ZFP14: variants seen among roughly 807,000 people sequenced by gnomAD.
ZFP14 encodes the protein ZFP14 zinc finger protein.
A neutral mutation model predicts 54.5 loss-of-function variants in ZFP14; 22 were observed. That is an observed-to-expected ratio of 0.40 (90% CI 0.29 to 0.58). ZFP14 has a LOEUF of 0.58. Ranked by LOEUF, ZFP14 falls within the 20% of genes least tolerant of loss-of-function variation. The probability of loss-of-function intolerance (pLI) is 0.39; values close to 1 mark genes in which losing one functional copy is unlikely to be tolerated. For missense variants in ZFP14, 470 were observed against 637.8 expected, an observed-to-expected ratio of 0.74 and a Z score of 2.83; for synonymous variants, 159 against 204.0, an observed-to-expected ratio of 0.78 and a Z score of 1.88.
rs1209941128 is a variant in ZFP14 at position 36,350,740 on chromosome 19, A to AC, written c.236-9151dup. On this transcript the variant is annotated intron_variant, in intron 4 of 4. Transcript: ENST00000270001. ...ACTGCAATATAAAATTAGGCACACCACAGTAATCTGTTAAAAAAAAATCCA... is the reference window on the plus strand; with the variant it reads ...ACTGCAATATAAAATTAGGCACACCACCAGTAATCTGTTAAAAAAAAATCCA... 2.8e-5 allele frequency among the ~76,000 whole-genome samples: 4 copies of AC among 142,900 alleles called. 1 individual carries two copies. Among genetic ancestry groups the AC allele is most frequent in the Non-Finnish European group, 6.2e-5 (4 of 64,518 alleles). The allele number at this position is 142,900 out of a possible 152,430, so 93.7% of individuals were successfully genotyped here.
At chr19:36,347,853 G>A (rs748592287) in intron 4 of ZFP14, among the ~76,000 whole-genome samples, 19 of 152,052 alleles carry the variant, frequency 1.2e-4, no homozygotes, top group Non-Finnish European at 2.4e-4. Flanking sequence ...CTGAGGTCGG[G>A]AGTTTGAGAC....
intron 2 of ZFP14, among the ~76,000 whole-genome samples, chr19:36,364,364 T>C (rs568307324): frequency 1.3e-5 from 2 of 152,258 alleles, no homozygotes; most frequent in East Asian, 3.9e-4. Flanking sequence ...TTTACAGTAA[T>C]AACAAGGTGA....
At chr19:36,360,597 T>A in intron 3 of ZFP14, 64 bp from the exon 4 acceptor site, 1 of 1,451,460 alleles carries the variant, frequency 6.9e-7, no homozygotes, top group Non-Finnish European at 9.4e-7. Context: ...TAGATTTGGT[T>A]AAATTTATAA....
chr19:36,364,505 C>G (rs570356451), intron 2 of ZFP14, among the ~76,000 whole-genome samples: 1 of 152,048 alleles, frequency 6.6e-6, no homozygotes, highest in Non-Finnish European at 1.5e-5. Context: ...GGAGAACTAG[C>G]TGGGTAGGAA....
intron 4 of ZFP14, 124 bp downstream of exon 4, chr19:36,360,311 G>T: frequency 2.9e-6 from 2 of 683,402 alleles, no homozygotes; most frequent in Non-Finnish European, 4.5e-6. Flanking sequence ...CCCAAGCCCT[G>T]CCTCCATAGG....
chr19:36,353,217 C>T (rs2031559189), intron 4 of ZFP14, among the ~76,000 whole-genome samples: 1 of 143,172 alleles, frequency 7.0e-6, no homozygotes. Context: ...CAGAGAAGAG[C>T]AGCCCAGCAT....
At position 36,341,836 on chromosome 19, in the gene ZFP14, G is replaced by A. The variant is rs531695811; in HGVS notation, c.236-246C>T. 1.1e-4 allele frequency among the ~76,000 whole-genome samples: 16 copies of A among 152,068 alleles called. No individual in the cohort carries two copies. Among genetic ancestry groups the A allele is most frequent in the Admixed American group, 2.0e-4 (3 of 15,252 alleles). On this transcript the variant is annotated intron_variant, in intron 4 of 4. Coordinates refer to ENST00000270001, the MANE Select transcript of ZFP14 (RefSeq NM_020917.3). The surrounding 1 kb of genome is among the most constrained non-coding windows in gnomAD (Gnocchi z 4.2). ...CTGTGTTCAGAAGAAAAATAGGCCC[G>A]GAGCAGGACCACTTAATTTTTTTTT...
rs536240153 is a variant in ZFP14, at chr19:36,366,388, G to A, written c.9+1496C>T. Among the ~76,000 whole-genome samples, 7 of 152,210 alleles carry A rather than the reference G, an allele frequency of 4.6e-5. No homozygotes were observed. The South Asian group carries it at 8.3e-4, about 18-fold the overall frequency. On this transcript the variant is annotated intron_variant, in intron 2 of 4. Coordinates refer to ENST00000270001, the MANE Select transcript of ZFP14 (RefSeq NM_020917.3). ...GGCTGGAGTGCAATGGTGCGATCTC[G>A]GTTCACTGTAACCTCCACCTCCCGA...
Position 36,341,229 on chromosome 19 carries a change from A to T in ZFP14, c.597T>A (p.Pro199=), listed in dbSNP as rs149459987. ...CCTGCCCACATTCCTTACACTTATA[A>T]GGTTTCTCACCAGTATGAATTCTCA... The part of the protein sequence containing the change: ...QHLRIHTGEK[P]YKCKECGQAF... Residue 199 remains proline (P), a synonymous_variant, in exon 5 of 5, where the codon CCT becomes CCA. Transcript: ENST00000270001. This position sits in a 1 kb window ranked among gnomAD's most constrained non-coding sequence, Gnocchi z 4.2. 234 of 1,613,946 alleles carry T rather than the reference A, an allele frequency of 1.4e-4. 1 individual carries two copies. In the African/African-American group the frequency reaches 2.8e-3, roughly 19 times the overall value.
chr19:36,350,993 C>T (rs2031516277), intron 4 of ZFP14, among the ~76,000 whole-genome samples: 1 of 142,978 alleles, frequency 7.0e-6, no homozygotes, highest in Non-Finnish European at 1.6e-5. Context: ...CTAATAAAAC[C>T]TAAGATAATT....
In ZFP14 at chr19:36,341,441, T is replaced by C. The variant is rs2031313529; in HGVS notation, c.385A>G (p.Ile129Val). The change falls in exon 5 of 5, where the codon ATT becomes GTT. Residue 129 changes from isoleucine to valine, a missense_variant. Transcript: ENST00000270001. The surrounding 1 kb of genome is among the most constrained non-coding windows in gnomAD (Gnocchi z 4.2). Reference protein sequence around the residue: ...FRNDWECKSKIEGEKEQQEGY... With the variant: ...FRNDWECKSKVEGEKEQQEGY... ...TCTTGTTGTTCCTTTTCCCCCTCAA[T>C]CTTGCTTTTGCATTCCCAATCATTC... 1 of 1,614,176 alleles carries C rather than the reference T, an allele frequency of 6.2e-7. No homozygotes were observed. The highest frequency in any genetic ancestry group is 8.5e-7 in the Non-Finnish European group (1 of 1,180,036).
chr19:36,340,084 T>C lies in ZFP14; in HGVS notation c.*140A>G. ...CTGAAGATAAACCATGTTTAAATGG[T>C]GTTGGAAGGCTTTTAAATCAACATA... is the stretch of plus-strand genomic sequence containing the variant. On this transcript the variant is annotated 3_prime_UTR_variant, in exon 5 of 5. Coordinates refer to ENST00000270001, the MANE Select transcript of ZFP14 (RefSeq NM_020917.3). This position sits in a 1 kb window ranked among gnomAD's most constrained non-coding sequence, Gnocchi z 5.4. 1.1e-6 allele frequency: 1 copy of C among 876,086 alleles called. No homozygotes were observed. The highest frequency in any genetic ancestry group is 1.6e-6 in the Non-Finnish European group (1 of 614,782). 54.3% of individuals were successfully genotyped at this position (876,086 alleles called of 1,614,324 possible). A position where few individuals can be genotyped will look rare whatever the true frequency, so the allele number is the denominator to read the frequency against.
chr19:36,348,329 T>C lies in ZFP14; in HGVS notation c.236-6739A>G, dbSNP rs73928796. Among the ~76,000 whole-genome samples the C allele has an allele frequency of 5.8e-3, 886 of 152,282 alleles. 8 individuals carry two copies. The highest frequency in any genetic ancestry group is 0.02 in the African/African-American group (847 of 41,552). On this transcript the variant is annotated intron_variant, in intron 4 of 4. Transcript: ENST00000270001. ...GTTTGAGGTGTTCAAGCCACAAATA[T>C]ACAAATATATAGCTATCACTGATAA...
rs1568473486 is a variant in ZFP14, at chr19:36,367,869, G to A, written c.9+15C>T. The A allele has an allele frequency of 1.2e-6, 2 of 1,611,170 alleles. No homozygotes were observed. Among genetic ancestry groups the A allele is most frequent in the Non-Finnish European group, 1.7e-6 (2 of 1,178,802 alleles). On this transcript the variant is annotated intron_variant, in intron 2 of 4. Transcript: ENST00000270001. ...TTGACAGTATTTCGAAAAGGACAGA[G>A]AAACATTAACTTACATGGGCCATGG...
rs560823824 is a variant in ZFP14, at chr19:36,350,477, T to A, written c.236-8887A>T. Among the ~76,000 whole-genome samples the A allele has an allele frequency of 3.5e-5, 5 of 141,362 alleles. 1 individual carries two copies. In the South Asian group the frequency reaches 1.1e-3, roughly 32 times the overall value. The allele number at this position is 141,362 out of a possible 152,430, so 92.7% of individuals were successfully genotyped here. A position where few individuals can be genotyped will look rare whatever the true frequency, so the allele number is the denominator to read the frequency against. ...TTCACTGGGTGTGGTGGTGTGCACC[T>A]GTGGTCCAAGCTACTTGGGAGGCTG... On this transcript the variant is annotated intron_variant, in intron 4 of 4. Transcript: ENST00000270001.
chr19:36,375,312 T>C (rs895525162), intron 1 of ZFP14, among the ~76,000 whole-genome samples: 1 of 152,200 alleles, frequency 6.6e-6, no homozygotes, highest in African/African-American at 2.4e-5. Flanking sequence ...GGACAAAACT[T>C]GACAGTGTGT....
In ZFP14 at chr19:36,335,846, T is replaced by C. The variant is rs2031184435; in HGVS notation, c.*4378A>G. ...GCCTCCTGGGTTCAAGCAATTCTCC[T>C]GCCTCAGGCTCCCCAGTAGCTTAGA... is the stretch of plus-strand genomic sequence containing the variant. On this transcript the variant is annotated 3_prime_UTR_variant, in exon 5 of 5. Coordinates refer to ENST00000270001, the MANE Select transcript of ZFP14 (RefSeq NM_020917.3). 1 of 152,096 alleles carries C rather than the reference T, an allele frequency of 6.6e-6. No homozygotes were observed. The highest frequency in any genetic ancestry group is 2.4e-5 in the African/African-American group (1 of 41,394). The allele number at this position is 152,096 out of a possible 1,614,324, so 9.4% of individuals were successfully genotyped here.
chr19:36,367,898 TAG>T lies in ZFP14; in HGVS notation c.-8_-7del, dbSNP rs1289100660. 6.2e-7 allele frequency: 1 copy of T among 1,611,514 alleles called. No homozygotes were observed. The highest frequency in any genetic ancestry group is 1.7e-5 in the Admixed American group (1 of 59,858). On this transcript the variant is annotated 5_prime_UTR_variant, in exon 2 of 5. Coordinates refer to ENST00000270001, the MANE Select transcript of ZFP14 (RefSeq NM_020917.3). ...CATTAACTTACATGGGCCATGGTTT[TAG>T]AACTGCAAAAACTGGTCAGTCCTTT...
chr19:36,349,231 C>CAAAAAAAAAAAAAAAAAAAAAAAAAAAA (rs1308523351), intron 4 of ZFP14, among the ~76,000 whole-genome samples: 1 of 4,264 alleles, frequency 2.3e-4, no homozygotes, highest in Non-Finnish European at 4.1e-4. Flanking sequence ...AACTCTGTCT[C>CAAAAAAAAAAAAAAAAAAAAAAAAAAAA]AAAAAAAAAA....
Sources: allele counts gnomAD v4.1 joint callset (sites outside exome capture counted in the v4.1 genomes callset), GRCh38; gene constraint gnomAD v4.1.1; non-coding constraint Gnocchi (gnomAD v3.1); transcripts MANE v1.5; gene names NCBI Gene and HGNC (gene_info 2026-07-23, HGNC 2026-07-21).